The following DGKH variants were observed in gnomAD, a reference collection of about 807,000 sequenced individuals.
The protein encoded by DGKH is DAG kinase eta.
In DGKH, 90 loss-of-function variants were observed where a neutral mutation model predicts 159.3. The ratio of observed to expected loss-of-function variants is 0.57; its 90% CI spans 0.48 to 0.67. The LOEUF (loss-of-function observed/expected upper bound fraction) is 0.67. Ranked by LOEUF, DGKH falls within the 30% of genes least tolerant of loss-of-function variation. DGKH has a pLI of 0.00. For synonymous variants in DGKH, 536 were observed against 553.8 expected (o/e 0.97, Z 0.45); for missense variants, 1,181 against 1,506.1 (o/e 0.78, Z 3.57).
At chr13:42,098,657 T>A (rs1404488368) in intron 1 of DGKH, among the ~76,000 whole-genome samples, 1 of 152,228 alleles carries the variant, frequency 6.6e-6, no homozygotes. Context: ...CATGCTGGTC[T>A]CTTTGTGATC....
intron 1 of DGKH, chr13:42,069,645 G>A: frequency 7.5e-7 from 1 of 1,342,096 alleles, no homozygotes; most frequent in Non-Finnish European, 1.0e-6. Context: ...ATTTTTCTTT[G>A]CTTTGTTCTT....
At chr13:42,087,267 T>A (rs2137736008) in intron 1 of DGKH, among the ~76,000 whole-genome samples, 1 of 152,268 alleles carries the variant, frequency 6.6e-6, no homozygotes, top group African/African-American at 2.4e-5. Flanking sequence ...GGACATGCCA[T>A]AACAGAACTT....
At position 42,081,593 on chromosome 13, in the gene DGKH, T is replaced by G. The variant is rs540362032; in HGVS notation, c.192+32628T>G. Among the ~76,000 whole-genome samples, 14 of 152,374 alleles carry G rather than the reference T, an allele frequency of 9.2e-5. 1 individual carries two copies. The highest frequency in any genetic ancestry group is 3.4e-4 in the African/African-American group (14 of 41,592). On this transcript the variant is annotated intron_variant, in intron 1 of 29. Coordinates refer to ENST00000337343, the MANE Select transcript of DGKH (RefSeq NM_178009.5). ...GTTTGGACTTAAACAGCTCCATGTT[T>G]TATTCAATGTATATAAGCCATTAGA...
intron 1 of DGKH, among the ~76,000 whole-genome samples, chr13:42,052,703 G>A (rs550442688): frequency 1.3e-5 from 2 of 152,348 alleles, no homozygotes; most frequent in Admixed American, 6.5e-5. Context: ...AGCTTTGTGT[G>A]TTTTTTGTTG....
chr13:42,255,856 A>C, intron 30 of DGKH: 1 of 913,386 alleles, frequency 1.1e-6, no homozygotes, highest in Non-Finnish European at 1.6e-6. Context: ...TTTTATCTTC[A>C]AAAAAGAGAC....
intron 14 of DGKH, among the ~76,000 whole-genome samples, chr13:42,188,085 A>G (rs1028886622): frequency 6.6e-6 from 1 of 152,210 alleles, no homozygotes; most frequent in Admixed American, 6.5e-5. Flanking sequence ...AAATAAATAT[A>G]CATTTGAAGT....
intron 29 of DGKH, 65 bp from the exon 30 acceptor site, chr13:42,229,034 T>A: frequency 7.1e-7 from 1 of 1,402,966 alleles, no homozygotes; most frequent in South Asian, 1.3e-5. Flanking sequence ...ATTTTTAAAA[T>A]TTTCTTTCTG....
At chr13:42,062,055 G>C (rs1054557939) in intron 1 of DGKH, among the ~76,000 whole-genome samples, 17 of 151,036 alleles carry the variant, frequency 1.1e-4, no homozygotes, top group African/African-American at 4.1e-4. Context: ...TCTTTGATAA[G>C]GTAATATTTG....
chr13:42,234,707 G>T lies in DGKH; in HGVS notation c.*5519G>T, dbSNP rs1170421723. ...CTCCACTAGTAATTGTTAGCCAATA[G>T]AATAGCCTCCCAGAGCAGTCCCCAC... On this transcript the variant is annotated 3_prime_UTR_variant, in exon 30 of 30. Coordinates refer to ENST00000337343, the MANE Select transcript of DGKH (RefSeq NM_178009.5). The T allele has an allele frequency of 6.6e-6, 1 of 152,164 alleles. No homozygotes were observed. The highest frequency in any genetic ancestry group is 2.4e-5 in the African/African-American group (1 of 41,452). 9.4% of individuals were successfully genotyped at this position (152,164 alleles called of 1,614,324 possible). A position where few individuals can be genotyped will look rare whatever the true frequency, so the allele number is the denominator to read the frequency against.
intron 1 of DGKH, among the ~76,000 whole-genome samples, chr13:42,101,019 C>G (rs776266891): frequency 1.7e-4 from 26 of 152,232 alleles, no homozygotes; most frequent in Non-Finnish European, 3.4e-4. Context: ...ACTCTCCTCA[C>G]TAGCTGTTGA....
At chr13:42,222,263 C>G (rs1957995494) in intron 29 of DGKH, among the ~76,000 whole-genome samples, 1 of 152,130 alleles carries the variant, frequency 6.6e-6, no homozygotes, top group Non-Finnish European at 1.5e-5. Context: ...TCATGTAGAC[C>G]AAGTTCTAAA....
chr13:42,150,828 A>G (rs1180243127), intron 3 of DGKH, among the ~76,000 whole-genome samples: 1 of 152,196 alleles, frequency 6.6e-6, no homozygotes, highest in African/African-American at 2.4e-5. Context: ...TGGAACTTAC[A>G]GAATGAGTGG....
At chr13:42,060,308 C>T (rs1031129203) in intron 1 of DGKH, among the ~76,000 whole-genome samples, 1 of 152,180 alleles carries the variant, frequency 6.6e-6, no homozygotes. Context: ...AGTCTTAATT[C>T]TGTTTGCCCC....
At position 42,088,478 on chromosome 13, in the gene DGKH, G is replaced by A. The variant is rs1954351882; in HGVS notation, c.193-38985G>A. On this transcript the variant is annotated intron_variant, in intron 1 of 29. Coordinates refer to ENST00000337343, the MANE Select transcript of DGKH (RefSeq NM_178009.5). ...CTTGTGAAATAGCAGTAGAACAAAG[G>A]AGGGGAGTTTGAGGAAATGGATGTT... 2.0e-5 allele frequency among the ~76,000 whole-genome samples: 3 copies of A among 152,108 alleles called. No individual in the cohort carries two copies. The South Asian group carries it at 6.2e-4, about 32-fold the overall frequency.
intron 1 of DGKH, among the ~76,000 whole-genome samples, chr13:42,075,406 A>G (rs145663735): frequency 0.01 from 1,540 of 152,348 alleles, 14 homozygotes; most frequent in Non-Finnish European, 0.017. Flanking sequence ...GGGACCCAGG[A>G]CATCAATGAA....
At chr13:42,095,107 T>C (rs879930625) in intron 1 of DGKH, among the ~76,000 whole-genome samples, 12 of 150,968 alleles carry the variant, frequency 7.9e-5, no homozygotes, top group Non-Finnish European at 1.3e-4. Context: ...TGGGAGATAC[T>C]ACTGTAATAC....
At chr13:42,069,337 C>A in intron 1 of DGKH, 1 of 1,315,742 alleles carries the variant, frequency 7.6e-7, no homozygotes, top group South Asian at 1.3e-5. Context: ...TACAAAGTTT[C>A]TAATTGAGCC....
chr13:42,117,137 T>C (rs1392155890), intron 1 of DGKH, among the ~76,000 whole-genome samples: 1 of 152,206 alleles, frequency 6.6e-6, no homozygotes, highest in African/African-American at 2.4e-5. Context: ...CATCCTAGAA[T>C]TTGTGAACAA....
intron 21 of DGKH, 99 bp downstream of exon 21, chr13:42,206,245 A>T: frequency 1.5e-6 from 1 of 666,976 alleles, no homozygotes; most frequent in Non-Finnish European, 2.2e-6. Context: ...GTTTAATTTC[A>T]TGTTAAATAT....
Sources: allele counts gnomAD v4.1 joint callset (sites outside exome capture counted in the v4.1 genomes callset), GRCh38; gene constraint gnomAD v4.1.1; transcripts MANE v1.5; gene names NCBI Gene and HGNC (gene_info 2026-07-23, HGNC 2026-07-21).